EPHA4: variants seen among roughly 807,000 people sequenced by gnomAD.
The protein encoded by EPHA4 is ephrin type-A receptor 4.
A neutral mutation model predicts 108.3 loss-of-function variants in EPHA4; 19 were observed. The ratio of observed to expected loss-of-function variants is 0.18; its 90% CI spans 0.12 to 0.26. EPHA4 has a LOEUF of 0.26. EPHA4 is among the 10% of genes least tolerant of loss of function. The probability of loss-of-function intolerance (pLI) is 1.00; values close to 1 mark genes in which losing one functional copy is unlikely to be tolerated. For synonymous variants in EPHA4, 449 were observed against 455.5 expected, an observed-to-expected ratio of 0.99 and a Z score of 0.18; for missense variants, 917 against 1,254.0, an observed-to-expected ratio of 0.73 and a Z score of 4.06.
chr2:221,430,303 C>T, intron 14 of EPHA4, 152 bp from the exon 15 acceptor site: 1 of 712,216 alleles, frequency 1.4e-6, no homozygotes. Flanking sequence ...CAAAGCTAGA[C>T]CTGAGTATCA....
intron 3 of EPHA4, among the ~76,000 whole-genome samples, chr2:221,516,036 T>G (rs933865637): frequency 4.6e-5 from 7 of 151,272 alleles, no homozygotes; most frequent in African/African-American, 1.7e-4. Flanking sequence ...GCATTAAAAA[T>G]TTTGGCAGAT....
chr2:221,454,984 T>C (rs1306055350), intron 8 of EPHA4, among the ~76,000 whole-genome samples: 1 of 152,206 alleles, frequency 6.6e-6, no homozygotes, highest in African/African-American at 2.4e-5. Context: ...GAGTGTGAAG[T>C]ACCCATTTCT....
At chr2:221,427,288 C>T (rs1429621268) in intron 15 of EPHA4, among the ~76,000 whole-genome samples, 1 of 152,180 alleles carries the variant, frequency 6.6e-6, no homozygotes, top group African/African-American at 2.4e-5. Flanking sequence ...TATTCCCTTG[C>T]TGGGGTTCCT....
intron 3 of EPHA4, among the ~76,000 whole-genome samples, chr2:221,545,237 AGGTGGGCGGATCACGAGGTC>A (rs1693958323): frequency 1.8e-5 from 1 of 55,016 alleles, no homozygotes; most frequent in Non-Finnish European, 3.6e-5. Flanking sequence ...CACGAGGTCG[AGGTGGGCGGATCACGAGGTC>A]GGGAGATCGA....
intron 3 of EPHA4, among the ~76,000 whole-genome samples, chr2:221,558,497 C>A (rs1694365923): frequency 1.3e-5 from 2 of 152,068 alleles, no homozygotes; most frequent in African/African-American, 4.8e-5. Flanking sequence ...TCATGACCAC[C>A]CCTGCTTTGC....
At chr2:221,453,857 A>G (rs13404409) in intron 8 of EPHA4, among the ~76,000 whole-genome samples, 12,792 of 152,220 alleles carry the variant, frequency 0.084, 689 homozygotes, top group East Asian at 0.27. Context: ...AGGACACTTT[A>G]GAGAGTGAGG....
intron 4 of EPHA4, 135 bp from the exon 5 acceptor site, chr2:221,482,825 GC>G: frequency 1.4e-6 from 1 of 717,824 alleles, no homozygotes; most frequent in Non-Finnish European, 2.2e-6. Context: ...AGCAAATCAA[GC>G]CAGCATAAAA....
At chr2:221,430,185 C>A in intron 14 of EPHA4, 34 bp from the exon 15 acceptor site, 1 of 1,558,924 alleles carries the variant, frequency 6.4e-7, no homozygotes, top group Non-Finnish European at 8.7e-7. Flanking sequence ...TGTTAAGCTG[C>A]CAGGCAAGCT....
chr2:221,500,822 C>A (rs973962639), intron 4 of EPHA4, among the ~76,000 whole-genome samples, 195 bp downstream of exon 4: 1 of 152,198 alleles, frequency 6.6e-6, no homozygotes, highest in Non-Finnish European at 1.5e-5. Flanking sequence ...GCTGTGCACA[C>A]TGAAGGCAAC....
chr2:221,565,390 G>T (rs1439800714), intron 2 of EPHA4, among the ~76,000 whole-genome samples: 2 of 152,172 alleles, frequency 1.3e-5, no homozygotes, highest in African/African-American at 4.8e-5. Context: ...CTGGTAGGCA[G>T]CCTCAAATTC....
chr2:221,428,844 A>G (rs1285909967), intron 15 of EPHA4, among the ~76,000 whole-genome samples: 1 of 152,212 alleles, frequency 6.6e-6, no homozygotes, highest in Non-Finnish European at 1.5e-5. Flanking sequence ...AATGACAGGG[A>G]TTTGAAAACC....
At chr2:221,487,139 C>CA (rs66819409) in intron 4 of EPHA4, among the ~76,000 whole-genome samples, 3 of 151,818 alleles carry the variant, frequency 2.0e-5, no homozygotes, top group Non-Finnish European at 4.4e-5. Flanking sequence ...TTCATTTATT[C>CA]AAAAAACATT....
rs116037013 is a variant in EPHA4, at chr2:221,476,626, A to G, written c.1318+5726T>C. Reference sequence around the variant, plus strand: ...AAACTCCACAAAGTCTGGCTCTGCCATGCCTACAGCATATTACCTAAATTG... The same window carrying G: ...AAACTCCACAAAGTCTGGCTCTGCCGTGCCTACAGCATATTACCTAAATTG... On this transcript the variant is annotated intron_variant, in intron 5 of 17. Coordinates refer to ENST00000281821, the MANE Select transcript of EPHA4 (RefSeq NM_004438.5). Among the ~76,000 whole-genome samples the G allele has an allele frequency of 4.4e-3, 673 of 152,340 alleles. 7 individuals are homozygous for G. The highest frequency in any genetic ancestry group is 0.015 in the African/African-American group (643 of 41,576).
At chr2:221,430,761 C>A (rs1469205085) in intron 14 of EPHA4, among the ~76,000 whole-genome samples, 3 of 152,178 alleles carry the variant, frequency 2.0e-5, no homozygotes. Context: ...TGTCAGTCGA[C>A]CCTGTTAAAG....
At chr2:221,437,446 C>G in intron 11 of EPHA4, 1 of 221,140 alleles carries the variant, frequency 4.5e-6, no homozygotes, top group Non-Finnish European at 8.8e-6. Context: ...AATGGGGAGG[C>G]CTGTTTCAAT....
Position 221,499,756 on chromosome 2 carries a change from ATTTT to A in EPHA4, c.979+1257_979+1260del, listed in dbSNP as rs575017779. Reference sequence around the variant, plus strand: ...TATATATATATATATATATATATATATTTTTTTTTTTTTTTTTTGAGACAGAGTT... The same window carrying A: ...TATATATATATATATATATATATATATTTTTTTTTTTTTTGAGACAGAGTT... On this transcript the variant is annotated intron_variant, in intron 4 of 17. Transcript: ENST00000281821. Among the ~76,000 whole-genome samples, 229 of 26,156 alleles carry A rather than the reference ATTTT, an allele frequency of 8.8e-3. 2 individuals are homozygous for A. Among genetic ancestry groups the A allele is most frequent in the South Asian group, 0.026 (11 of 418 alleles). 17.2% of individuals were successfully genotyped at this position (26,156 alleles called of 152,430 possible). A position where few individuals can be genotyped will look rare whatever the true frequency, so the allele number is the denominator to read the frequency against.
chr2:221,440,583 T>C (rs1690392026), intron 11 of EPHA4, among the ~76,000 whole-genome samples: 2 of 150,808 alleles, frequency 1.3e-5, no homozygotes, highest in South Asian at 4.2e-4. Context: ...ATGCGGAAAA[T>C]TATATATCCT....
chr2:221,518,472 C>T (rs2106171578), intron 3 of EPHA4, among the ~76,000 whole-genome samples: 1 of 152,324 alleles, frequency 6.6e-6, no homozygotes. Flanking sequence ...ATCCTGTTTA[C>T]TATTACATCT....
intron 17 of EPHA4, among the ~76,000 whole-genome samples, chr2:221,424,827 A>G (rs1175001139): frequency 6.6e-6 from 1 of 152,200 alleles, no homozygotes; most frequent in Non-Finnish European, 1.5e-5. Context: ...AAGGTTAGAG[A>G]GAAAGCCTCC....
Sources: gnomAD v4.1 joint callset for allele counts (sites outside exome capture counted in the v4.1 genomes callset) on GRCh38, gnomAD v4.1.1 for gene constraint, MANE v1.5 for transcripts, NCBI Gene and HGNC (gene_info 2026-07-23, HGNC 2026-07-21) for gene names.